DNAI3: variants seen among roughly 807,000 people sequenced by gnomAD.
DNAI3 encodes dynein axonemal intermediate chain 3.
A neutral mutation model predicts 115.5 loss-of-function variants in DNAI3; 83 were observed. The observed-to-expected ratio is 0.72, with a 90% confidence interval of 0.60 to 0.86. DNAI3 has a LOEUF of 0.86. Ranked by LOEUF, DNAI3 falls within the 40% of genes least tolerant of loss-of-function variation. DNAI3 has a pLI of 0.00. For missense variants in DNAI3, 1,004 were observed against 1,075.8 expected (o/e 0.93, Z 0.93); for synonymous variants, 320 against 347.0 (o/e 0.92, Z 0.86).
chr1:85,126,784 A>C, intron 20 of DNAI3, 69 bp downstream of exon 20: 1 of 1,547,790 alleles, frequency 6.5e-7, no homozygotes, highest in Non-Finnish European at 8.9e-7. Context: ...CATTCATCTG[A>C]AAAGCCTCCA....
At chr1:85,130,279 G>A in intron 22 of DNAI3, 167 bp downstream of exon 22, 1 of 971,996 alleles carries the variant, frequency 1.0e-6, no homozygotes, top group Non-Finnish European at 1.5e-6. Context: ...CTCACTGCCA[G>A]TTAGACACGT....
chr1:85,096,858 T>C (rs1655139688), intron 11 of DNAI3, among the ~76,000 whole-genome samples: 1 of 152,110 alleles, frequency 6.6e-6, no homozygotes, highest in South Asian at 2.1e-4. Context: ...AGGGTCATAA[T>C]GACTCAAAGC....
chr1:85,091,474 T>C (rs1016505410), intron 8 of DNAI3, among the ~76,000 whole-genome samples: 2 of 152,176 alleles, frequency 1.3e-5, no homozygotes, highest in Non-Finnish European at 2.9e-5. Context: ...GGAATTATAA[T>C]AGCACTGGCC....
At chr1:85,127,311 G>A (rs1368387024) in intron 20 of DNAI3, among the ~76,000 whole-genome samples, 1 of 152,140 alleles carries the variant, frequency 6.6e-6, no homozygotes, top group Non-Finnish European at 1.5e-5. Context: ...TAAATTCAAT[G>A]ATGTGTCTAT....
chr1:85,062,525 C>G (rs1653960168), intron 1 of DNAI3, 39 bp downstream of exon 1: 1 of 152,184 alleles, frequency 6.6e-6, no homozygotes, highest in African/African-American at 2.4e-5. Flanking sequence ...GCTTGGAAAA[C>G]AAGTATTTTA....
chr1:85,074,737 A>G (rs1468922584), intron 3 of DNAI3, among the ~76,000 whole-genome samples: 3 of 152,196 alleles, frequency 2.0e-5, no homozygotes, highest in East Asian at 1.9e-4. Context: ...CCTAGGGGAA[A>G]CACAGGGTTA....
intron 16 of DNAI3, among the ~76,000 whole-genome samples, chr1:85,115,069 G>C (rs1655778053): frequency 6.6e-6 from 1 of 152,214 alleles, no homozygotes; most frequent in Non-Finnish European, 1.5e-5. Flanking sequence ...GGTAGATTCT[G>C]GAGTTGATGG....
intron 16 of DNAI3, among the ~76,000 whole-genome samples, chr1:85,115,414 T>G (rs1362249903): frequency 1.3e-5 from 2 of 152,210 alleles, no homozygotes; most frequent in African/African-American, 4.8e-5. Flanking sequence ...TTGTGAGGAC[T>G]GAATGAAATG....
intron 11 of DNAI3, 98 bp from the exon 12 acceptor site, chr1:85,097,471 G>A (rs1173059995): frequency 6.5e-6 from 7 of 1,082,976 alleles, no homozygotes; most frequent in Non-Finnish European, 9.1e-6. Context: ...CCCCTAAGGT[G>A]ATTGACTTAT....
Position 85,090,197 on chromosome 1 carries a change from G to A in DNAI3, c.822G>A (p.Lys274=). 12 of 1,581,498 alleles carry A rather than the reference G, an allele frequency of 7.6e-6. No homozygotes were observed. The highest frequency in any genetic ancestry group is 1.0e-5 in the Non-Finnish European group (12 of 1,167,240). ...AAAAAGAGACACTCAAACAATCAAA[G>A]CCTTTGGTTGATTTTCTTAACAATG... ...EEEKETLKQS[K]PLVDFLNNAS... is the part of the protein sequence containing the mutation. The change falls in exon 8 of 23, where the codon AAG becomes AAA. Residue 274 remains lysine, a synonymous_variant. Transcript: ENST00000294664.
Position 85,126,654 on chromosome 1 carries a change from A to G in DNAI3, c.2256A>G (p.Pro752=), listed in dbSNP as rs1318292085. Residue 752 remains proline (P), a synonymous_variant, in exon 20 of 23, where the codon CCA becomes CCG. Transcript: ENST00000294664. ...IWDLLEKTHE[P]AQSQNICITM... Reference sequence around the variant, plus strand: ...ACCTTCTGGAGAAAACCCATGAACCAGCCCAGTCTCAAAACATTTGCATAA... The same window carrying G: ...ACCTTCTGGAGAAAACCCATGAACCGGCCCAGTCTCAAAACATTTGCATAA... The G allele has an allele frequency of 5.0e-6, 8 of 1,614,164 alleles. No individual in the cohort carries two copies. The highest frequency in any genetic ancestry group is 6.8e-6 in the Non-Finnish European group (8 of 1,180,016).
chr1:85,093,675 T>G (rs1655046162), intron 9 of DNAI3, 27 bp downstream of exon 9: 2 of 1,612,512 alleles, frequency 1.2e-6, no homozygotes, highest in Non-Finnish European at 8.5e-7. Context: ...GGGGATTCCC[T>G]TTTGTGATAA....
intron 17 of DNAI3, among the ~76,000 whole-genome samples, chr1:85,119,690 C>T (rs1205517536): frequency 1.3e-5 from 2 of 151,912 alleles, no homozygotes; most frequent in Non-Finnish European, 2.9e-5. Flanking sequence ...TCTGTTTTTT[C>T]CTTTTTTCTT....
chr1:85,112,119 A>G (rs1655677436), intron 16 of DNAI3, among the ~76,000 whole-genome samples: 1 of 151,936 alleles, frequency 6.6e-6, no homozygotes, highest in Admixed American at 6.6e-5. Context: ...GGGCATGATC[A>G]TAGTTCACTG....
chr1:85,077,244 TTAGA>T (rs1654484755), intron 3 of DNAI3, among the ~76,000 whole-genome samples: 1 of 152,110 alleles, frequency 6.6e-6, no homozygotes, highest in South Asian at 2.1e-4. Flanking sequence ...GCTGGAACAG[TTAGA>T]TAGCTGTAAG....
chr1:85,062,964 A>C (rs531054639), intron 1 of DNAI3, among the ~76,000 whole-genome samples: 2 of 152,242 alleles, frequency 1.3e-5, no homozygotes, highest in Non-Finnish European at 2.9e-5. Context: ...AACAGTGAGG[A>C]AGATGAACAG....
Position 85,076,601 on chromosome 1 carries a change from C to T in DNAI3, c.103+3509C>T, listed in dbSNP as rs113540647. On this transcript the variant is annotated intron_variant, in intron 3 of 22. Coordinates refer to ENST00000294664, the MANE Select transcript of DNAI3 (RefSeq NM_145172.5). Reference sequence around the variant, plus strand: ...ATGAGGAGCAAAGTCACATCTTACACGGCAGCAGGCAAGAGAGCGTGTGTA... The same window carrying T: ...ATGAGGAGCAAAGTCACATCTTACATGGCAGCAGGCAAGAGAGCGTGTGTA... Among the ~76,000 whole-genome samples, 1,391 of 152,246 alleles carry T rather than the reference C, an allele frequency of 9.1e-3. 26 individuals are homozygous for T. The highest frequency in any genetic ancestry group is 0.032 in the African/African-American group (1,312 of 41,534).
chr1:85,095,863 T>C (rs709766), intron 10 of DNAI3, 68 bp from the exon 11 acceptor site: 800,604 of 1,411,704 alleles, frequency 0.57, 229,156 homozygotes, highest in African/African-American at 0.67. Context: ...ACTGTCTTAA[T>C]ATTATTTTCT....
intron 13 of DNAI3, among the ~76,000 whole-genome samples, chr1:85,103,689 C>T (rs534126216): frequency 6.6e-6 from 1 of 151,960 alleles, no homozygotes; most frequent in Non-Finnish European, 1.5e-5. Flanking sequence ...GGGTTCCAAA[C>T]TAGCCTGGCC....
Sources: allele counts gnomAD v4.1 joint callset (sites outside exome capture counted in the v4.1 genomes callset), GRCh38; gene constraint gnomAD v4.1.1; transcripts MANE v1.5; gene names NCBI Gene and HGNC (gene_info 2026-07-23, HGNC 2026-07-21).